Variants in MAP3K19 observed in about 807,000 individuals in gnomAD.
The protein encoded by MAP3K19 is mitogen-activated protein kinase kinase kinase 19.
Under a neutral mutation model 114.4 loss-of-function variants are expected in MAP3K19, and 91 were observed. The observed-to-expected ratio is 0.80, with a 90% CI of 0.67 to 0.95. The LOEUF (loss-of-function observed/expected upper bound fraction) is 0.95. MAP3K19 is among the 40% of genes least tolerant of loss of function. The probability of loss-of-function intolerance (pLI) is 0.00; values close to 1 mark genes in which losing one functional copy is unlikely to be tolerated. For synonymous variants in MAP3K19, 518 were observed against 530.5 expected, an observed-to-expected ratio of 0.98 and a Z score of 0.32; for missense variants, 1,471 against 1,573.2, an observed-to-expected ratio of 0.94 and a Z score of 1.10.
chr2:135,021,833 A>T lies in MAP3K19; in HGVS notation c.23-3T>A. On this transcript the variant is annotated splice_region_variant and splice_polypyrimidine_tract_variant and intron_variant, in intron 4 of 12. Coordinates refer to ENST00000392915, the MANE Select transcript of MAP3K19 (RefSeq NM_025052.5). ...AAGCAATGACTCAGCATGTCTTTCT[A>T]TCAAAAGAAACATAATAGTATGTTT... is the stretch of plus-strand genomic sequence containing the variant. 6.4e-7 allele frequency: 1 copy of T among 1,556,054 alleles called. No individual in the cohort carries two copies. Among genetic ancestry groups the T allele is most frequent in the Non-Finnish European group, 8.8e-7 (1 of 1,134,360 alleles).
At chr2:134,988,546 A>G (rs1042621360) in intron 9 of MAP3K19, among the ~76,000 whole-genome samples, 1 of 152,040 alleles carries the variant, frequency 6.6e-6, no homozygotes, top group Non-Finnish European at 1.5e-5. Context: ...ATGTGCCACT[A>G]TGCTCGGCTA....
Position 134,982,280 on chromosome 2 carries a change from G to A in MAP3K19, c.3223-762C>T, listed in dbSNP as rs542199011. ...ACTACAGGCATGTACCACCACACTAGGCTAATTTTTAAAGTATTTTTGTGG... is the reference window on the plus strand; with the variant it reads ...ACTACAGGCATGTACCACCACACTAAGCTAATTTTTAAAGTATTTTTGTGG... On this transcript the variant is annotated intron_variant, in intron 11 of 12. Transcript: ENST00000392915. 2.0e-5 allele frequency among the ~76,000 whole-genome samples: 3 copies of A among 149,742 alleles called. No homozygotes were observed. In the East Asian group the frequency reaches 5.9e-4, roughly 30 times the overall value.
At chr2:134,991,267 C>T (rs1488787603) in intron 9 of MAP3K19, 2 of 409,130 alleles carry the variant, frequency 4.9e-6, no homozygotes, top group African/African-American at 2.0e-5. Context: ...CACCACTGCA[C>T]TCTAGCCTGG....
chr2:134,995,553 C>A (rs1573974384), intron 8 of MAP3K19, among the ~76,000 whole-genome samples: 1 of 152,050 alleles, frequency 6.6e-6, no homozygotes, highest in African/African-American at 2.4e-5. Flanking sequence ...TATCTAATCA[C>A]CTGTATTGAG....
intron 12 of MAP3K19, among the ~76,000 whole-genome samples, chr2:134,978,188 G>GT (rs1684379963): frequency 7.1e-6 from 1 of 141,384 alleles, no homozygotes. Context: ...ACCTTATAAT[G>GT]ATTTTTTTTT....
chr2:134,998,742 A>T lies in MAP3K19; in HGVS notation c.570T>A (p.Ser190=). Residue 190 remains serine, a synonymous_variant, in exon 8 of 13, where the codon TCT becomes TCA. Transcript: ENST00000392915. ...PHFLKEQQRK[S]EEFSTSHMKY... ...GGAATTCAATGTTCAACTTACCTTC[A>T]GATTTTCTTTGCTGCTCCTTCAGAA... is the stretch of plus-strand genomic sequence containing the variant. 1 of 1,595,506 alleles carries T rather than the reference A, an allele frequency of 6.3e-7. No individual in the cohort carries two copies. Among genetic ancestry groups the T allele is most frequent in the African/African-American group, 1.4e-5 (1 of 73,962 alleles).
At chr2:134,976,389 G>A (rs1299484825) in intron 12 of MAP3K19, among the ~76,000 whole-genome samples, 1 of 152,112 alleles carries the variant, frequency 6.6e-6, no homozygotes, top group African/African-American at 2.4e-5. Context: ...GACCACTGAG[G>A]ATCTCTCACC....
intron 12 of MAP3K19, among the ~76,000 whole-genome samples, chr2:134,980,438 T>C (rs1026957604): frequency 7.9e-5 from 12 of 152,350 alleles, no homozygotes; most frequent in Non-Finnish European, 1.6e-4. Flanking sequence ...ATTTGTTTCT[T>C]TGGCTCAAAA....
At chr2:135,032,370 A>AAAAAG (rs1688403237) in intron 2 of MAP3K19, among the ~76,000 whole-genome samples, 1 of 107,694 alleles carries the variant, frequency 9.3e-6, no homozygotes, top group African/African-American at 5.3e-5. Context: ...AAAAAAAAAA[A>AAAAAG]AAAGAAAAGA....
Position 134,986,382 on chromosome 2 carries a change from G to A in MAP3K19, c.2490C>T (p.Leu830=), listed in dbSNP as rs1685106643. The A allele has an allele frequency of 6.2e-7, 1 of 1,613,898 alleles. No individual in the cohort carries two copies. Among genetic ancestry groups the A allele is most frequent in the Non-Finnish European group, 8.5e-7 (1 of 1,180,018 alleles). ...CTTGCAGATCTCTGAGGCTTGTGGT[G>A]AGTATTTGATTGTTAGAAATGTCTC... ...GDRDISNNQI[L]TTSLRDLQEL... is the part of the protein sequence containing the mutation. Residue 830 remains leucine, a synonymous_variant, in exon 10 of 13, where the codon CTC becomes CTT. Transcript: ENST00000392915.
chr2:134,965,001 GACGGAAAT>G, intron 12 of MAP3K19, 85 bp from the exon 13 acceptor site: 1 of 1,019,892 alleles, frequency 9.8e-7, no homozygotes, highest in South Asian at 1.5e-5. Flanking sequence ...AACTTTTAAA[GACGGAAAT>G]ACAACTTCTG....
In MAP3K19 at chr2:134,985,814, T is replaced by C. The variant is rs1347818409; in HGVS notation, c.3058A>G (p.Lys1020Glu). ...TPKEMGRETTKVKIQRHSSGL... is the reference protein window; with the variant it reads ...TPKEMGRETTEVKIQRHSSGL... The stretch of plus-strand genomic sequence containing the variant: ...ATTATACCAACCTGTATTTTGACTT[T>C]TGTTGTCTCTCTGCCCATTTCTTTT... Residue 1020 changes from lysine (K) to glutamate (E), a missense_variant, in exon 10 of 13, where the codon AAA becomes GAA. Physicochemically the swap from Lys to Glu is moderately conservative, Grantham distance 56. Transcript: ENST00000392915. 2 of 1,602,970 alleles carry C rather than the reference T, an allele frequency of 1.2e-6. No individual in the cohort carries two copies. The highest frequency in any genetic ancestry group is 3.5e-5 in the Admixed American group (2 of 57,816).
intron 12 of MAP3K19, among the ~76,000 whole-genome samples, chr2:134,968,297 C>A (rs1170246182): frequency 6.6e-6 from 1 of 152,004 alleles, no homozygotes; most frequent in Admixed American, 6.5e-5. Context: ...ATTTCTCAGT[C>A]TTTTCCCCAC....
At position 135,003,306 on chromosome 2, in the gene MAP3K19, T is replaced by G. The variant is rs143859365; in HGVS notation, c.235+2129A>C. On this transcript the variant is annotated intron_variant, in intron 6 of 12. Transcript: ENST00000392915. The stretch of plus-strand genomic sequence containing the variant: ...AAGAAAGTTCCTCTCCTCTGGTTTT[T>G]CAATGGTATATGAACTTCCTAATAT... Among the ~76,000 whole-genome samples, 357 of 152,352 alleles carry G rather than the reference T, an allele frequency of 2.3e-3. 4 individuals carry two copies. The highest frequency in any genetic ancestry group is 8.0e-3 in the African/African-American group (331 of 41,588).
At chr2:134,997,617 G>A (rs756506619) in intron 8 of MAP3K19, among the ~76,000 whole-genome samples, 3 of 151,782 alleles carry the variant, frequency 2.0e-5, no homozygotes, top group Middle Eastern at 3.2e-3. Flanking sequence ...TCAAGAGATC[G>A]ACACCATCCT....
chr2:135,009,703 T>TTATGGATACATAA (rs1687080719), intron 5 of MAP3K19, among the ~76,000 whole-genome samples: 1 of 152,118 alleles, frequency 6.6e-6, no homozygotes, highest in South Asian at 2.1e-4. Context: ...TAATGATGAC[T>TTATGGATACATAA]AGCATTTACA....
chr2:135,020,139 T>A (rs1687871075), intron 5 of MAP3K19, among the ~76,000 whole-genome samples: 1 of 152,134 alleles, frequency 6.6e-6, no homozygotes. Context: ...TGCCTCAGCC[T>A]CCTGAGTAGC....
At chr2:134,966,950 A>G (rs1485174997) in intron 12 of MAP3K19, among the ~76,000 whole-genome samples, 1 of 152,208 alleles carries the variant, frequency 6.6e-6, no homozygotes. Flanking sequence ...AAGGAAAGAC[A>G]TAAGAGACTC....
intron 5 of MAP3K19, among the ~76,000 whole-genome samples, chr2:135,011,106 T>C (rs866069088): frequency 2.0e-5 from 3 of 151,736 alleles, no homozygotes; most frequent in African/African-American, 7.3e-5. Context: ...AAGAAAAGAG[T>C]GAAAGGGATT....
Sources: gnomAD v4.1 joint callset for allele counts (sites outside exome capture counted in the v4.1 genomes callset) on GRCh38, gnomAD v4.1.1 for gene constraint, MANE v1.5 for transcripts, NCBI Gene and HGNC (gene_info 2026-07-23, HGNC 2026-07-21) for gene names.